The following NAALADL1 variants were observed in gnomAD, a reference collection of about 807,000 sequenced individuals.
NAALADL1 encodes the protein aminopeptidase NAALADL1.
A neutral mutation model predicts 82.8 loss-of-function variants in NAALADL1; 77 were observed. The ratio of observed to expected loss-of-function variants is 0.93; its 90% CI spans 0.77 to 1.12. The LOEUF is 1.12. Among genes scored for constraint, NAALADL1 ranks in the 50% most tolerant of loss-of-function variants. NAALADL1 has a pLI of 0.00. For missense variants in NAALADL1, 956 were observed against 964.0 expected (o/e 0.99, Z 0.11); for synonymous variants, 358 against 399.2 (o/e 0.90, Z 1.23).
chr11:65,057,748 C>T (rs1947081279), intron 3 of NAALADL1, 127 bp downstream of exon 3: 1 of 1,422,268 alleles, frequency 7.0e-7, no homozygotes, highest in Non-Finnish European at 9.7e-7. Flanking sequence ...ATGGAGTGTC[C>T]CGGTGAGTAA....
intron 8 of NAALADL1, among the ~76,000 whole-genome samples, chr11:65,052,950 G>T (rs1240008389): frequency 6.6e-6 from 1 of 152,254 alleles, no homozygotes; most frequent in Non-Finnish European, 1.5e-5. Flanking sequence ...GGAGGGCAGA[G>T]CCTGGGCGCT....
intron 13 of NAALADL1, 62 bp downstream of exon 13, chr11:65,047,413 A>G: frequency 7.0e-7 from 1 of 1,427,382 alleles, no homozygotes; most frequent in Non-Finnish European, 9.6e-7. Flanking sequence ...GAACAGCCAC[A>G]AAGAGAGGAG....
chr11:65,060,388 T>C (rs1404029123), upstream of NAALADL1, among the ~76,000 whole-genome samples: 1 of 152,086 alleles, frequency 6.6e-6, no homozygotes, highest in South Asian at 2.1e-4. Flanking sequence ...CCTTGGATCT[T>C]ATCAGAAGCC....
At chr11:65,051,899 AC>A (rs1946900119) in intron 8 of NAALADL1, among the ~76,000 whole-genome samples, 1 of 152,200 alleles carries the variant, frequency 6.6e-6, no homozygotes, top group African/African-American at 2.4e-5. Context: ...TGTATATTTT[AC>A]CATGAATTTT....
At position 65,048,333 on chromosome 11, in the gene NAALADL1, C is replaced by T. The variant is rs759900168; in HGVS notation, c.1251G>A (p.Glu417=). Residue 417 remains glutamate, a synonymous_variant, in exon 9 of 18, where the codon GAG becomes GAA. Transcript: ENST00000358658. ...ATTCCGTGGAGCCAATGAGCCCAAACTCCTCAGCCCCCCAGCTCGCAAACA... is the reference window on the plus strand; with the variant it reads ...ATTCCGTGGAGCCAATGAGCCCAAATTCCTCAGCCCCCCAGCTCGCAAACA... ...SIVFASWGAE[E]FGLIGSTEFT... is the part of the protein sequence containing the mutation. 6 of 1,614,068 alleles carry T rather than the reference C, an allele frequency of 3.7e-6. No homozygotes were observed. The highest frequency in any genetic ancestry group is 1.3e-5 in the African/African-American group (1 of 74,904).
chr11:65,053,130 A>G lies in NAALADL1; in HGVS notation c.1198+88T>C. On this transcript the variant is annotated intron_variant, in intron 8 of 17. Transcript: ENST00000358658. This position sits in a 1 kb window ranked among gnomAD's most constrained non-coding sequence, Gnocchi z 4.3. ...CAGGGCCCTCAGGCATGGCACAAGG[A>G]GCACTGCAGTGTGAGGGAGAGGAGG... 1 of 1,435,028 alleles carries G rather than the reference A, an allele frequency of 7.0e-7. No individual in the cohort carries two copies. Among genetic ancestry groups the G allele is most frequent in the South Asian group, 1.4e-5 (1 of 70,724 alleles). The allele number at this position is 1,435,028 out of a possible 1,614,324, so 88.9% of individuals were successfully genotyped here.
intron 8 of NAALADL1, among the ~76,000 whole-genome samples, chr11:65,052,126 C>T (rs1489062342): frequency 6.6e-6 from 1 of 152,174 alleles, no homozygotes; most frequent in Non-Finnish European, 1.5e-5. Flanking sequence ...TTAAATGGCA[C>T]TAATGTCGAG....
intron 17 of NAALADL1, 131 bp from the exon 18 acceptor site, chr11:65,045,588 G>A (rs1300601635): frequency 1.9e-6 from 2 of 1,065,284 alleles, no homozygotes; most frequent in Admixed American, 2.8e-5. Context: ...TGTCTCTGAA[G>A]GCCAGGGAGC....
intron 8 of NAALADL1, among the ~76,000 whole-genome samples, chr11:65,051,302 C>CCTTTCTTTCTGTCTCTCTCTCCTTT (rs1946878669): frequency 1.0e-5 from 1 of 96,284 alleles, no homozygotes; most frequent in Non-Finnish European, 2.4e-5. Context: ...GTCTCTCTCT[C>CCTTTCTTTCTGTCTCTCTCTCCTTT]CTTTCTTTCT....
chr11:65,057,862 G>GT lies in NAALADL1; in HGVS notation c.480+12dup. On this transcript the variant is annotated intron_variant, in intron 3 of 17. Coordinates refer to ENST00000358658, the MANE Select transcript of NAALADL1 (RefSeq NM_005468.3). ...GAGCTGGGCCAGAGCAGTAGGGGGG[G>GT]TTCTGGGCCCACCTGTGGGGTTCCA... The GT allele has an allele frequency of 6.2e-7, 1 of 1,613,328 alleles. No individual in the cohort carries two copies. The highest frequency in any genetic ancestry group is 8.5e-7 in the Non-Finnish European group (1 of 1,179,844).
chr11:65,057,558 G>A, intron 3 of NAALADL1, 65 bp from the exon 4 acceptor site: 1 of 1,555,714 alleles, frequency 6.4e-7, no homozygotes, highest in South Asian at 1.2e-5. Context: ...GAAGGGGGGT[G>A]GAAGTTTGCA....
chr11:65,045,387 C>T lies in NAALADL1; in HGVS notation c.2107G>A (p.Ala703Thr), dbSNP rs780949178. Residue 703 changes from alanine (A) to threonine (T), a missense_variant, in exon 18 of 18, where the codon GCC (alanine) becomes ACC (threonine). Ala to Thr is a moderately conservative substitution (Grantham distance 58, BLOSUM62 0). Coordinates refer to ENST00000358658, the MANE Select transcript of NAALADL1 (RefSeq NM_005468.3). ...TCAGATCCAGAAGCTGTGTCCCTGG[C>T]CCTGGAGCAGGCATTGGATAGGCCC... ...FPGLSNACSR[A>T]RDTASGSEAW... The T allele has an allele frequency of 2.5e-6, 4 of 1,612,744 alleles. No individual in the cohort carries two copies. The African/African-American group carries it at 5.3e-5, about 22-fold the overall frequency.
chr11:65,053,345 G>C lies in NAALADL1; in HGVS notation c.1079-8C>G. ...CATACAGCACGTAGCGATCTGGCCAGAGGAAAAGGGGCAGAGAACCAGAGG... is the reference window on the plus strand; with the variant it reads ...CATACAGCACGTAGCGATCTGGCCACAGGAAAAGGGGCAGAGAACCAGAGG... On this transcript the variant is annotated splice_region_variant and splice_polypyrimidine_tract_variant and intron_variant, in intron 7 of 17. Transcript: ENST00000358658. This position sits in a 1 kb window ranked among gnomAD's most constrained non-coding sequence, Gnocchi z 4.3. 3.8e-6 allele frequency: 6 copies of C among 1,591,874 alleles called. No homozygotes were observed. Among genetic ancestry groups the C allele is most frequent in the African/African-American group, 1.3e-5 (1 of 74,544 alleles).
chr11:65,047,340 T>TGTG, intron 13 of NAALADL1, 135 bp downstream of exon 13: 2 of 615,372 alleles, frequency 3.3e-6, no homozygotes. Context: ...TGTGTGTGTG[T>TGTG]TTTTTTTTAA....
At chr11:65,047,337 GTGTT>G (rs1946756599) in intron 13 of NAALADL1, 134 bp downstream of exon 13, 13 of 696,052 alleles carry the variant, frequency 1.9e-5, no homozygotes, top group Admixed American at 2.9e-5. Flanking sequence ...GTGTGTGTGT[GTGTT>G]TTTTTTTAAG....
chr11:65,050,273 T>C (rs1946851555), intron 8 of NAALADL1, among the ~76,000 whole-genome samples: 1 of 150,168 alleles, frequency 6.7e-6, no homozygotes, highest in Non-Finnish European at 1.5e-5. Context: ...GGTCAGGAGA[T>C]TGAGACCATC....
In NAALADL1 at chr11:65,044,901, C is replaced by T. The variant is rs1946683900; in HGVS notation, c.*370G>A. On this transcript the variant is annotated 3_prime_UTR_variant, in exon 18 of 18. Transcript: ENST00000358658. The surrounding 1 kb of genome is among the most constrained non-coding windows in gnomAD (Gnocchi z 4.0). ...GATACACAGCATGCAGGGAGAGGAACGCAGACTAGCCAAGGCCTAAGGTAC... is the reference window on the plus strand; with the variant it reads ...GATACACAGCATGCAGGGAGAGGAATGCAGACTAGCCAAGGCCTAAGGTAC... The T allele has an allele frequency of 5.2e-6, 4 of 767,004 alleles. No homozygotes were observed. The highest frequency in any genetic ancestry group is 8.1e-6 in the Non-Finnish European group (4 of 490,954). 47.5% of individuals were successfully genotyped at this position (767,004 alleles called of 1,614,324 possible). A position where few individuals can be genotyped will look rare whatever the true frequency, so the allele number is the denominator to read the frequency against.
Position 65,058,073 on chromosome 11 carries a change from C to A in NAALADL1, c.358+5G>T. 6.2e-7 allele frequency: 1 copy of A among 1,610,744 alleles called. No individual in the cohort carries two copies. Among genetic ancestry groups the A allele is most frequent in the Non-Finnish European group, 8.5e-7 (1 of 1,177,576 alleles). On this transcript the variant is annotated splice_donor_5th_base_variant and intron_variant, in intron 2 of 17. Coordinates refer to ENST00000358658, the MANE Select transcript of NAALADL1 (RefSeq NM_005468.3). The stretch of plus-strand genomic sequence containing the variant: ...GGGCATTCCCAAGACTGGGCAGGAC[C>A]TCACCGATGTCCACGACGTTGGGCT...
intron 8 of NAALADL1, among the ~76,000 whole-genome samples, chr11:65,052,320 G>A (rs532353107): frequency 4.6e-5 from 7 of 150,696 alleles, no homozygotes; most frequent in Admixed American, 6.6e-5. Context: ...CCTGCTCCCC[G>A]CTTTTTTTTT....
Sources: allele counts gnomAD v4.1 joint callset (sites outside exome capture counted in the v4.1 genomes callset), GRCh38; gene constraint gnomAD v4.1.1; non-coding constraint Gnocchi (gnomAD v3.1); transcripts MANE v1.5; gene names NCBI Gene and HGNC (gene_info 2026-07-23, HGNC 2026-07-21).